The following BCKDHA variants were observed in gnomAD, a reference collection of about 807,000 sequenced individuals.
BCKDHA encodes 2-oxoisovalerate dehydrogenase subunit alpha, mitochondrial.
BCKDHA carries 43 observed loss-of-function variants against 52.2 expected under a neutral mutation model. The observed-to-expected ratio is 0.82, with a 90% CI of 0.64 to 1.06. The LOEUF is 1.06. BCKDHA is among the 50% of genes least tolerant of loss of function. The pLI is 0.00. For synonymous variants in BCKDHA, 234 were observed against 247.9 expected, an observed-to-expected ratio of 0.94 and a Z score of 0.53; for missense variants, 527 against 621.3, an observed-to-expected ratio of 0.85 and a Z score of 1.61.
At position 41,410,991 on chromosome 19, in the gene BCKDHA, C is replaced by G. The variant is rs1365978691; in HGVS notation, c.357C>G (p.Leu119=). ...MTLLNTMDRI[L]YESQRQGRIS... ...TGCTTAACACCATGGACCGCATCCTCTATGAGTCTCAGCGGCAGGTGCGTG... is the reference window on the plus strand; with the variant it reads ...TGCTTAACACCATGGACCGCATCCTGTATGAGTCTCAGCGGCAGGTGCGTG... The change falls in exon 3 of 9, where the codon CTC becomes CTG. Residue 119 remains leucine, a synonymous_variant. Transcript: ENST00000269980. 1.2e-6 allele frequency: 2 copies of G among 1,614,014 alleles called. No homozygotes were observed. Among genetic ancestry groups the G allele is most frequent in the South Asian group, 2.2e-5 (2 of 91,092 alleles).
At chr19:41,402,924 AG>A (rs67742179) in intron 1 of BCKDHA, among the ~76,000 whole-genome samples, 10,616 of 152,184 alleles carry the variant, frequency 0.07, 1,148 homozygotes, top group African/African-American at 0.24. Flanking sequence ...TACAGGCGTG[AG>A]CCACCATGTG....
chr19:41,420,818 C>G (rs1192632954), intron 5 of BCKDHA, among the ~76,000 whole-genome samples: 1 of 152,176 alleles, frequency 6.6e-6, no homozygotes, highest in Non-Finnish European at 1.5e-5. Flanking sequence ...TTTTGGGAAG[C>G]AAACCCACTG....
At chr19:41,410,590 TG>T in intron 1 of BCKDHA, 46 bp from the exon 2 acceptor site, 2 of 1,611,338 alleles carry the variant, frequency 1.2e-6, no homozygotes, top group Non-Finnish European at 8.5e-7. Flanking sequence ...AGCGGAAACC[TG>T]GGTGCTGCTT....
intron 8 of BCKDHA, 141 bp downstream of exon 8, chr19:41,423,310 T>G (rs2039390867): frequency 7.6e-7 from 1 of 1,315,584 alleles, no homozygotes; most frequent in Non-Finnish European, 1.0e-6. Context: ...GCCAGGCTGC[T>G]GGGGCCATGT....
chr19:41,423,679 A>G (rs1299502652), intron 8 of BCKDHA, among the ~76,000 whole-genome samples: 1 of 152,100 alleles, frequency 6.6e-6, no homozygotes, highest in African/African-American at 2.4e-5. Flanking sequence ...TAAAAATACA[A>G]AAATTAGCCG....
At chr19:41,418,371 A>G (rs2039328582) in intron 4 of BCKDHA, among the ~76,000 whole-genome samples, 1 of 152,154 alleles carries the variant, frequency 6.6e-6, no homozygotes, top group Non-Finnish European at 1.5e-5. Flanking sequence ...CTTCGGAGGA[A>G]GGGCCCCCTT....
intron 4 of BCKDHA, 129 bp from the exon 5 acceptor site, chr19:41,419,006 C>T: frequency 9.0e-7 from 1 of 1,117,038 alleles, no homozygotes. Flanking sequence ...TCAGTCTGAA[C>T]ATCAGTCTTC....
At position 41,422,488 on chromosome 19, in the gene BCKDHA, G is replaced by A. The variant is rs73931483; in HGVS notation, c.853+118G>A. On this transcript the variant is annotated intron_variant, in intron 6 of 8. Transcript: ENST00000269980. ...TGGTTCTCGTCCTGTGTCCTGTGGC[G>A]TCTGGCACTTGGTCAGCCACAGGAG... 11,287 of 1,567,308 alleles carry A rather than the reference G, an allele frequency of 7.2e-3. 610 individuals are homozygous for A. The African/African-American group carries it at 0.13, about 17-fold the overall frequency.
chr19:41,401,474 G>A (rs1206523195), intron 1 of BCKDHA, among the ~76,000 whole-genome samples: 1 of 152,148 alleles, frequency 6.6e-6, no homozygotes, highest in Non-Finnish European at 1.5e-5. Context: ...GGTTCACTGG[G>A]GAAGATTGGA....
intron 4 of BCKDHA, among the ~76,000 whole-genome samples, chr19:41,417,769 G>A (rs2039320810): frequency 6.6e-6 from 1 of 151,982 alleles, no homozygotes; most frequent in Non-Finnish European, 1.5e-5. Flanking sequence ...TCCTGAAAAT[G>A]CAAAAATTAG....
At chr19:41,407,548 C>T (rs2039206778) in intron 1 of BCKDHA, among the ~76,000 whole-genome samples, 1 of 152,184 alleles carries the variant, frequency 6.6e-6, no homozygotes, top group South Asian at 2.1e-4. Flanking sequence ...CTGCAAGAGG[C>T]CGGCTGTTTC....
intron 3 of BCKDHA, 78 bp from the exon 4 acceptor site, chr19:41,413,971 C>A: frequency 1.6e-6 from 2 of 1,244,324 alleles, no homozygotes; most frequent in Non-Finnish European, 2.4e-6. Context: ...GTGTTGGAAG[C>A]TGGGCAGGAT....
intron 1 of BCKDHA, among the ~76,000 whole-genome samples, chr19:41,402,562 G>A (rs538802889): frequency 6.6e-6 from 1 of 152,242 alleles, no homozygotes. Context: ...TCTTTTCATG[G>A]TACCAGGCTG....
intron 1 of BCKDHA, among the ~76,000 whole-genome samples, chr19:41,404,146 A>C (rs1220093134): frequency 6.6e-6 from 1 of 151,356 alleles, no homozygotes; most frequent in Non-Finnish European, 1.5e-5. Flanking sequence ...TGCCTGGCTA[A>C]TTTTTGTGTC....
chr19:41,398,257 A>G (rs1328624564), intron 1 of BCKDHA, among the ~76,000 whole-genome samples: 6 of 152,146 alleles, frequency 3.9e-5, no homozygotes, highest in Non-Finnish European at 8.8e-5. Context: ...GAACAGGGGA[A>G]GACCGCAAGA....
intron 1 of BCKDHA, among the ~76,000 whole-genome samples, chr19:41,404,954 G>GT (rs901176814): frequency 5.3e-5 from 8 of 151,894 alleles, no homozygotes; most frequent in African/African-American, 1.9e-4. Context: ...ACACTTTTTT[G>GT]TTTTTTTAGG....
intron 3 of BCKDHA, among the ~76,000 whole-genome samples, chr19:41,411,329 G>A (rs1386336233): frequency 6.6e-6 from 1 of 152,176 alleles, no homozygotes; most frequent in Non-Finnish European, 1.5e-5. Flanking sequence ...TGGGTCCCCA[G>A]TGCTTCCTGG....
chr19:41,401,136 G>A (rs1370066047), intron 1 of BCKDHA, among the ~76,000 whole-genome samples: 5 of 151,980 alleles, frequency 3.3e-5, no homozygotes, highest in Non-Finnish European at 5.9e-5. Flanking sequence ...GAGTGCAATG[G>A]CATGATCTTG....
rs1205183905 is a variant in BCKDHA, at chr19:41,410,933, A to C, written c.299A>C (p.Glu100Ala). The C allele has an allele frequency of 6.2e-7, 1 of 1,613,978 alleles. No homozygotes were observed. Among genetic ancestry groups the C allele is most frequent in the Non-Finnish European group, 8.5e-7 (1 of 1,180,018 alleles). The change falls in exon 3 of 9, where the codon GAG becomes GCG. Residue 100 changes from glutamate (E) to alanine (A), a missense_variant. Glu to Ala is a moderately radical substitution (Grantham distance 107, BLOSUM62 -1). Transcript: ENST00000269980. ...TGCCTCCACCCGCAGCTGCCGAAGG[A>C]GAAGGTGCTGAAGCTCTACAAGAGC... ...NPSEDPHLPK[E>A]KVLKLYKSMT...
Sources: gnomAD v4.1 joint callset for allele counts (sites outside exome capture counted in the v4.1 genomes callset) on GRCh38, gnomAD v4.1.1 for gene constraint, MANE v1.5 for transcripts, NCBI Gene and HGNC (gene_info 2026-07-23, HGNC 2026-07-21) for gene names.